The following RSPH4A variants were observed in gnomAD, a reference collection of about 807,000 sequenced individuals.
The protein encoded by RSPH4A is radial spoke head protein 4 homolog A.
Under a neutral mutation model 71.0 loss-of-function variants are expected in RSPH4A, and 47 were observed. The ratio of observed to expected loss-of-function variants is 0.66; its 90% confidence interval spans 0.52 to 0.84. RSPH4A has a LOEUF of 0.84. RSPH4A is among the 40% of genes least tolerant of loss of function. RSPH4A has a pLI of 0.00. For synonymous variants in RSPH4A, 282 were observed against 302.3 expected (o/e 0.93, Z 0.70); for missense variants, 793 against 855.2 (o/e 0.93, Z 0.91).
chr6:116,622,239 A>T (rs1054721939), intron 1 of RSPH4A, among the ~76,000 whole-genome samples: 1 of 152,208 alleles, frequency 6.6e-6, no homozygotes, highest in African/African-American at 2.4e-5. Context: ...TCTTAAAGAC[A>T]GAGTCAACAA....
At position 116,617,062 on chromosome 6, in the gene RSPH4A, G is replaced by A; in HGVS notation, c.439G>A (p.Gly147Arg). ...TCCTCATCACACAAGCCAGTCAGAA[G>A]GAAACACCTTTCAACAGTCTCAGCA... is the stretch of plus-strand genomic sequence containing the variant. Reference protein sequence around the residue: ...STPHHTSQSEGNTFQQSQQPK... With the variant: ...STPHHTSQSERNTFQQSQQPK... The change falls in exon 1 of 6, where the codon GGA becomes AGA. Residue 147 changes from glycine to arginine, a missense_variant. Coordinates refer to ENST00000229554, the MANE Select transcript of RSPH4A (RefSeq NM_001010892.3). The A allele has an allele frequency of 6.2e-7, 1 of 1,614,208 alleles. No individual in the cohort carries two copies.
At position 116,629,713 on chromosome 6, in the gene RSPH4A, G is replaced by A. The variant is rs41290844; in HGVS notation, c.1798+11G>A. ...TCTCTGAAGATTTAGGTTATTTTACGTAACTATTATCACACACAGACACAC... is the reference window on the plus strand; with the variant it reads ...TCTCTGAAGATTTAGGTTATTTTACATAACTATTATCACACACAGACACAC... On this transcript the variant is annotated intron_variant, in intron 4 of 5. Transcript: ENST00000229554. The A allele has an allele frequency of 0.012, 18,766 of 1,601,184 alleles. 155 individuals are homozygous for A. Among genetic ancestry groups the A allele is most frequent in the Non-Finnish European group, 0.015 (17,211 of 1,168,850 alleles).
intron 5 of RSPH4A, among the ~76,000 whole-genome samples, chr6:116,630,990 GC>G (rs1448033918): frequency 6.6e-6 from 1 of 151,140 alleles, no homozygotes; most frequent in East Asian, 1.9e-4. Context: ...ATGCCCAGCT[GC>G]TACTATCGTT....
chr6:116,630,307 T>C, intron 4 of RSPH4A, 128 bp from the exon 5 acceptor site: 1 of 738,226 alleles, frequency 1.4e-6, no homozygotes, highest in Middle Eastern at 2.4e-4. Context: ...TTTTTCTTTC[T>C]GTATCAAGTA....
At chr6:116,629,773 A>T in intron 4 of RSPH4A, 71 bp downstream of exon 4, 1 of 1,384,386 alleles carries the variant, frequency 7.2e-7, no homozygotes. Flanking sequence ...TTATATAGTA[A>T]ATATGAGAGT....
intron 4 of RSPH4A, 53 bp downstream of exon 4, chr6:116,629,755 T>A: frequency 6.8e-7 from 1 of 1,471,380 alleles, no homozygotes; most frequent in Non-Finnish European, 9.5e-7. Flanking sequence ...TATAATATAC[T>A]GTGTGCATTA....
At chr6:116,631,539 G>A (rs1775804658) in intron 5 of RSPH4A, among the ~76,000 whole-genome samples, 1 of 152,148 alleles carries the variant, frequency 6.6e-6, no homozygotes, top group South Asian at 2.1e-4. Flanking sequence ...GAGGATGAGA[G>A]GGCTAGAAGT....
chr6:116,623,393 C>T (rs1775644563), intron 2 of RSPH4A, among the ~76,000 whole-genome samples: 1 of 152,114 alleles, frequency 6.6e-6, no homozygotes, highest in Admixed American at 6.6e-5. Context: ...GCCCTTATAG[C>T]TTCTTACATA....
intron 4 of RSPH4A, among the ~76,000 whole-genome samples, chr6:116,630,206 C>A (rs1398416425): frequency 6.6e-6 from 1 of 152,052 alleles, no homozygotes; most frequent in Non-Finnish European, 1.5e-5. Context: ...AACTTCTTGT[C>A]TTGTTTGCAA....
Position 116,632,705 on chromosome 6 carries a change from AAT to A in RSPH4A, c.*267_*268del. On this transcript the variant is annotated 3_prime_UTR_variant, in exon 6 of 6. Transcript: ENST00000229554. ...TTGTTCTGAGGGTTATGGATAATGG[AAT>A]ATGTGTTTGTACATTCCTGTTTTTA... 2.4e-6 allele frequency: 1 copy of A among 420,546 alleles called. No homozygotes were observed. 26.1% of individuals were successfully genotyped at this position (420,546 alleles called of 1,614,324 possible). A position where few individuals can be genotyped will look rare whatever the true frequency, so the allele number is the denominator to read the frequency against.
At position 116,624,100 on chromosome 6, in the gene RSPH4A, A is replaced by G. The variant is rs140781130; in HGVS notation, c.921+1098A>G. Among the ~76,000 whole-genome samples, 18 of 152,336 alleles carry G rather than the reference A, an allele frequency of 1.2e-4. No homozygotes were observed. In the East Asian group the frequency reaches 3.5e-3, roughly 29 times the overall value. ...TATGCTTTCAAATTTGATGTTTGGAATAAGGTATTTTCAAAACAGCACTCT... is the reference window on the plus strand; with the variant it reads ...TATGCTTTCAAATTTGATGTTTGGAGTAAGGTATTTTCAAAACAGCACTCT... On this transcript the variant is annotated intron_variant, in intron 2 of 5. Transcript: ENST00000229554.
chr6:116,630,719 C>CTGGAGTGCA (rs1424464024), intron 5 of RSPH4A, among the ~76,000 whole-genome samples, 167 bp downstream of exon 5: 1 of 117,378 alleles, frequency 8.5e-6, no homozygotes, highest in Non-Finnish European at 1.6e-5. Flanking sequence ...GTCACCCAGG[C>CTGGAGTGCA]TGGAGTGCAG....
rs532461291 is a variant in RSPH4A, at chr6:116,623,055, G to A, written c.921+53G>A. On this transcript the variant is annotated intron_variant, in intron 2 of 5. Transcript: ENST00000229554. Reference sequence around the variant, plus strand: ...TAAACCTTAGGATTTTATTTGGGACGAATGGCTGTGGCTTTAAATTCATAC... The same window carrying A: ...TAAACCTTAGGATTTTATTTGGGACAAATGGCTGTGGCTTTAAATTCATAC... 1.3e-3 allele frequency: 1,448 copies of A among 1,076,910 alleles called. 6 individuals carry two copies. Among genetic ancestry groups the A allele is most frequent in the South Asian group, 3.2e-3 (257 of 79,182 alleles). The allele number at this position is 1,076,910 out of a possible 1,614,324, so 66.7% of individuals were successfully genotyped here.
At chr6:116,623,672 T>A (rs1775649896) in intron 2 of RSPH4A, among the ~76,000 whole-genome samples, 1 of 152,192 alleles carries the variant, frequency 6.6e-6, no homozygotes, top group Non-Finnish European at 1.5e-5. Context: ...AATGAATAAA[T>A]GTTAGATAAT....
chr6:116,632,525 A>C lies in RSPH4A; in HGVS notation c.*84A>C, dbSNP rs772275921. 42 of 1,514,294 alleles carry C rather than the reference A, an allele frequency of 2.8e-5. No homozygotes were observed. Among genetic ancestry groups the C allele is most frequent in the Non-Finnish European group, 3.5e-5 (39 of 1,117,028 alleles). 93.8% of individuals were successfully genotyped at this position (1,514,294 alleles called of 1,614,324 possible). On this transcript the variant is annotated 3_prime_UTR_variant, in exon 6 of 6. Transcript: ENST00000229554. ...GACTAATTTTACACTTTTCTGTGTT[A>C]TGTGTGTATATACATACACATGTAA...
chr6:116,627,371 T>C (rs1775713541), intron 2 of RSPH4A, among the ~76,000 whole-genome samples: 1 of 152,154 alleles, frequency 6.6e-6, no homozygotes, highest in African/African-American at 2.4e-5. Context: ...AGCTAACTTT[T>C]GTATTTGTAG....
At chr6:116,627,475 C>T (rs1431969090) in intron 2 of RSPH4A, among the ~76,000 whole-genome samples, 154 bp from the exon 3 acceptor site, 5 of 152,104 alleles carry the variant, frequency 3.3e-5, no homozygotes, top group African/African-American at 4.8e-5. Flanking sequence ...GGATTACAGG[C>T]GTGAACCACT....
At chr6:116,630,846 TA>T (rs1218127969) in intron 5 of RSPH4A, among the ~76,000 whole-genome samples, 12 of 73,974 alleles carry the variant, frequency 1.6e-4, no homozygotes, top group Non-Finnish European at 2.9e-4. Context: ...CTAATTTTTG[TA>T]TTTTTTTTTT....
At chr6:116,618,671 G>A (rs1022550079) in intron 1 of RSPH4A, among the ~76,000 whole-genome samples, 4 of 152,196 alleles carry the variant, frequency 2.6e-5, no homozygotes, top group Admixed American at 6.5e-5. Context: ...AAGCCACTGC[G>A]CCCAGCCTCA....
Sources: gnomAD v4.1 joint callset for allele counts (sites outside exome capture counted in the v4.1 genomes callset) on GRCh38, gnomAD v4.1.1 for gene constraint, MANE v1.5 for transcripts, NCBI Gene and HGNC (gene_info 2026-07-23, HGNC 2026-07-21) for gene names.